Variants in ZCWPW1 observed in about 807,000 individuals in gnomAD.
The protein encoded by ZCWPW1 is zinc finger CW-type PWWP domain protein 1.
Under a neutral mutation model 81.3 loss-of-function variants are expected in ZCWPW1, and 56 were observed. The ratio of observed to expected loss-of-function variants is 0.69; its 90% CI spans 0.56 to 0.86. The LOEUF is 0.86. ZCWPW1 is among the 40% of genes least tolerant of loss of function. The probability of loss-of-function intolerance (pLI) is 0.00; values close to 1 mark genes in which losing one functional copy is unlikely to be tolerated. For synonymous variants in ZCWPW1, 250 were observed against 273.7 expected, an observed-to-expected ratio of 0.91 and a Z score of 0.86; for missense variants, 650 against 769.8, an observed-to-expected ratio of 0.84 and a Z score of 1.84.
intron 1 of ZCWPW1, among the ~76,000 whole-genome samples, chr7:100,426,639 T>G (rs1584299447): frequency 7.0e-6 from 1 of 142,426 alleles, no homozygotes; most frequent in Admixed American, 6.9e-5. Flanking sequence ...CTCTCACTTT[T>G]TCTCCCTCCC....
intron 2 of ZCWPW1, among the ~76,000 whole-genome samples, chr7:100,421,595 T>G (rs1000440512): frequency 1.3e-5 from 2 of 152,246 alleles, no homozygotes; most frequent in African/African-American, 4.8e-5. Context: ...TTTTCCTTAT[T>G]CTACCTTAGC....
At position 100,401,100 on chromosome 7, in the gene ZCWPW1, C is replaced by A; in HGVS notation, c.1864G>T (p.Val622Phe). 6.2e-7 allele frequency: 1 copy of A among 1,614,228 alleles called. No homozygotes were observed. The highest frequency in any genetic ancestry group is 1.1e-5 in the South Asian group (1 of 91,084). ...CCGCTCTGCCCCAGCTCTCTCCCAA[C>A]ATCTTCCATGAGTTGCTCCAGGTCC... ...DLDLEQLMED[V>F]GRELGQSGEL... The change falls in exon 18 of 18, where the codon GTT becomes TTT. Residue 622 changes from valine (V) to phenylalanine (F), a missense_variant. By Grantham distance (50) the Val-to-Phe change is conservative. Transcript: ENST00000684423.
chr7:100,411,160 T>C (rs1175835285), intron 8 of ZCWPW1, among the ~76,000 whole-genome samples: 1 of 152,218 alleles, frequency 6.6e-6, no homozygotes, highest in African/African-American at 2.4e-5. Flanking sequence ...AAATACCTGA[T>C]CATAAAGGAT....
chr7:100,408,421 CTCTT>C (rs1793504135), intron 10 of ZCWPW1, 114 bp downstream of exon 10: 5 of 1,385,360 alleles, frequency 3.6e-6, no homozygotes, highest in Non-Finnish European at 3.9e-6. Context: ...TCACCCCATG[CTCTT>C]TCTAAGGCCA....
intron 17 of ZCWPW1, 45 bp from the exon 18 acceptor site, chr7:100,401,381 T>C: frequency 1.4e-6 from 2 of 1,466,394 alleles, no homozygotes; most frequent in African/African-American, 2.8e-5. Context: ...TAGGTCAGCC[T>C]GTCCTTACCT....
Position 100,419,704 on chromosome 7 carries a change from T to G in ZCWPW1, c.208A>C (p.Lys70Gln). ...TCCTGTTCCCTGCTTGGAACATTCTTCATGGTTGCTTTTTCCTCTTTCTTC... is the reference window on the plus strand; with the variant it reads ...TCCTGTTCCCTGCTTGGAACATTCTGCATGGTTGCTTTTTCCTCTTTCTTC... ...LKKKEEKATMKNVPSREQEKK... is the reference protein window; with the variant it reads ...LKKKEEKATMQNVPSREQEKK... Residue 70 changes from lysine (K) to glutamine (Q), a missense_variant, in exon 4 of 18, where the codon AAG becomes CAG. Coordinates refer to ENST00000684423, the MANE Select transcript of ZCWPW1 (RefSeq NM_001386010.1). The G allele has an allele frequency of 6.2e-7, 1 of 1,614,108 alleles. No individual in the cohort carries two copies. The highest frequency in any genetic ancestry group is 8.5e-7 in the Non-Finnish European group (1 of 1,180,014).
chr7:100,406,433 C>A (rs1793024427), intron 12 of ZCWPW1, among the ~76,000 whole-genome samples: 2 of 152,272 alleles, frequency 1.3e-5, no homozygotes, highest in South Asian at 2.1e-4. Context: ...TTCTGCCACA[C>A]CTGCTTTGGC....
intron 2 of ZCWPW1, among the ~76,000 whole-genome samples, chr7:100,423,216 C>T (rs762691608): frequency 1.4e-4 from 21 of 152,146 alleles, no homozygotes; most frequent in Non-Finnish European, 1.5e-5. Context: ...AGGACTTTTG[C>T]CTCTCAATTC....
chr7:100,406,577 C>G, intron 12 of ZCWPW1, 117 bp downstream of exon 12: 1 of 961,966 alleles, frequency 1.0e-6, no homozygotes, highest in East Asian at 2.4e-5. Flanking sequence ...ACCCTTGGCA[C>G]ACCTGGTCAG....
intron 15 of ZCWPW1, among the ~76,000 whole-genome samples, chr7:100,403,173 C>CA (rs1363629174): frequency 6.6e-6 from 1 of 151,914 alleles, no homozygotes; most frequent in Admixed American, 6.6e-5. Context: ...GAGATCCTTA[C>CA]AGAAAGCTCC....
At chr7:100,411,790 GA>G in intron 8 of ZCWPW1, among the ~76,000 whole-genome samples, 1 of 152,180 alleles carries the variant, frequency 6.6e-6, no homozygotes, top group African/African-American at 2.4e-5. Flanking sequence ...AAATGAGTAG[GA>G]AAAAATCACT....
intron 17 of ZCWPW1, among the ~76,000 whole-genome samples, chr7:100,401,658 TTAAG>T (rs949185652): frequency 3.3e-5 from 5 of 152,218 alleles, no homozygotes; most frequent in African/African-American, 9.6e-5. Context: ...GCAATACTGA[TTAAG>T]TGTTACTTCT....
At chr7:100,420,354 T>C (rs1316918349) in intron 3 of ZCWPW1, among the ~76,000 whole-genome samples, 1 of 152,240 alleles carries the variant, frequency 6.6e-6, no homozygotes, top group African/African-American at 2.4e-5. Flanking sequence ...TGAGCTTCCT[T>C]AATACTCTGC....
At chr7:100,412,576 A>ATT (rs986528620) in intron 8 of ZCWPW1, among the ~76,000 whole-genome samples, 2 of 149,204 alleles carry the variant, frequency 1.3e-5, no homozygotes, top group Non-Finnish European at 3.0e-5. Context: ...AATCCATTTT[A>ATT]TTTTTTTTTT....
Position 100,428,635 on chromosome 7 carries a change from C to T in ZCWPW1, c.-204G>A, listed in dbSNP as rs1359572770. 2.0e-5 allele frequency: 3 copies of T among 152,410 alleles called. No individual in the cohort carries two copies. Among genetic ancestry groups the T allele is most frequent in the African/African-American group, 7.2e-5 (3 of 41,478 alleles). The allele number at this position is 152,410 out of a possible 1,614,324, so 9.4% of individuals were successfully genotyped here. The stretch of plus-strand genomic sequence containing the variant: ...CCGCCCTGTCCTCGGCCCAGCACTC[C>T]GCTGGCAGGGAGACCGGGCGGCGCA... On this transcript the variant is annotated 5_prime_UTR_variant, in exon 1 of 18. Transcript: ENST00000684423.
chr7:100,423,114 C>T (rs990307709), intron 2 of ZCWPW1, among the ~76,000 whole-genome samples: 1 of 152,086 alleles, frequency 6.6e-6, no homozygotes, highest in Non-Finnish European at 1.5e-5. Context: ...GCCCCAACTC[C>T]CCTTTCTACA....
At chr7:100,422,060 C>A (rs188313533) in intron 2 of ZCWPW1, among the ~76,000 whole-genome samples, 1 of 152,294 alleles carries the variant, frequency 6.6e-6, no homozygotes, top group Non-Finnish European at 1.5e-5. Context: ...TTATTGAGCA[C>A]TGACTATATT....
At chr7:100,408,488 T>C (rs1793514567) in intron 10 of ZCWPW1, 51 bp downstream of exon 10, 1 of 1,597,814 alleles carries the variant, frequency 6.3e-7, no homozygotes, top group Non-Finnish European at 8.5e-7. Context: ...TGCTTGAATC[T>C]ACCTCTCCCA....
intron 8 of ZCWPW1, among the ~76,000 whole-genome samples, chr7:100,410,889 GT>G (rs1307866078): frequency 1.8e-4 from 27 of 152,102 alleles, no homozygotes; most frequent in Admixed American, 1.7e-3. Flanking sequence ...TTCCACTCTG[GT>G]TTGATTACTT....
Sources: gnomAD v4.1 joint callset for allele counts (sites outside exome capture counted in the v4.1 genomes callset) on GRCh38, gnomAD v4.1.1 for gene constraint, MANE v1.5 for transcripts, NCBI Gene and HGNC (gene_info 2026-07-23, HGNC 2026-07-21) for gene names.